LRRC8C: variants seen among roughly 807,000 people sequenced by gnomAD.
LRRC8C encodes the protein volume-regulated anion channel subunit LRRC8C.
Under a neutral mutation model 55.3 loss-of-function variants are expected in LRRC8C, and 20 were observed. The ratio of observed to expected loss-of-function variants is 0.36; its 90% CI spans 0.25 to 0.53. The LOEUF (loss-of-function observed/expected upper bound fraction) is 0.53, where lower values mean the gene tolerates loss of function less well. Ranked by LOEUF, LRRC8C falls within the 20% of genes least tolerant of loss-of-function variation. LRRC8C has a pLI of 0.92. For missense variants in LRRC8C, 659 were observed against 951.4 expected (o/e 0.69, Z 4.04); for synonymous variants, 376 against 360.7 (o/e 1.04, Z -0.48).
At position 89,715,205 on chromosome 1, in the gene LRRC8C, T is replaced by C. The variant is rs1388797503; in HGVS notation, c.*223T>C. ...GAAACACAATGTATCTATTATCTAC[T>C]GACAGAAAGAGATAGTTCCATTTGG... On this transcript the variant is annotated 3_prime_UTR_variant, in exon 3 of 3. Transcript: ENST00000370454. The C allele has an allele frequency of 6.1e-6, 2 of 327,366 alleles. No homozygotes were observed. Among genetic ancestry groups the C allele is most frequent in the Admixed American group, 9.4e-5 (2 of 21,180 alleles). The allele number at this position is 327,366 out of a possible 1,614,324, so 20.3% of individuals were successfully genotyped here.
At chr1:89,670,561 T>G (rs571857435) in intron 1 of LRRC8C, among the ~76,000 whole-genome samples, 50 of 152,342 alleles carry the variant, frequency 3.3e-4, no homozygotes, top group African/African-American at 1.2e-3. Context: ...CAAATCCCAC[T>G]GAAGATTGGA....
intron 2 of LRRC8C, among the ~76,000 whole-genome samples, chr1:89,687,858 AAG>A (rs1460547979): frequency 2.0e-5 from 3 of 152,218 alleles, no homozygotes; most frequent in Admixed American, 6.5e-5. Flanking sequence ...TATAGGGAGA[AAG>A]AGAAATCACT....
At chr1:89,668,466 C>G (rs956738157) in intron 1 of LRRC8C, among the ~76,000 whole-genome samples, 5 of 152,202 alleles carry the variant, frequency 3.3e-5, no homozygotes, top group Admixed American at 3.3e-4. Flanking sequence ...ATTCCTCAGA[C>G]TGGATTTCTC....
chr1:89,653,447 C>A (rs892856728), intron 1 of LRRC8C, among the ~76,000 whole-genome samples: 1 of 152,128 alleles, frequency 6.6e-6, no homozygotes, highest in African/African-American at 2.4e-5. Flanking sequence ...TGTGCAGTCA[C>A]AAGACAATGA....
In LRRC8C at chr1:89,713,017, T is replaced by C. The variant is rs765437981; in HGVS notation, c.447T>C (p.Pro149=). The C allele has an allele frequency of 1.4e-5, 23 of 1,614,236 alleles. No homozygotes were observed. The South Asian group carries it at 2.4e-4, about 17-fold the overall frequency. The change falls in exon 3 of 3, where the codon CCT becomes CCC. Residue 149 remains proline, a synonymous_variant. Transcript: ENST00000370454. The surrounding 1 kb of genome is among the most constrained non-coding windows in gnomAD (Gnocchi z 5.2). Reference sequence around the variant, plus strand: ...GCAGTAACTTTTGGTTCAAATTCCCTGGTTCCAGCTCCAAAATAGAACATT... The same window carrying C: ...GCAGTAACTTTTGGTTCAAATTCCCCGGTTCCAGCTCCAAAATAGAACATT... The part of the protein sequence containing the change: ...MLCSNFWFKF[P]GSSSKIEHFI...
chr1:89,684,720 C>A (rs1373336024), intron 1 of LRRC8C, among the ~76,000 whole-genome samples: 1 of 152,158 alleles, frequency 6.6e-6, no homozygotes, highest in Non-Finnish European at 1.5e-5. Flanking sequence ...TAGAAATATA[C>A]AAAGTAATGT....
intron 1 of LRRC8C, among the ~76,000 whole-genome samples, chr1:89,652,454 A>G (rs944591475): frequency 3.3e-5 from 5 of 152,180 alleles, no homozygotes; most frequent in African/African-American, 7.2e-5. Flanking sequence ...CAAGTAATCA[A>G]CCTTTTCACA....
At chr1:89,667,979 C>A (rs1436630974) in intron 1 of LRRC8C, among the ~76,000 whole-genome samples, 1 of 152,034 alleles carries the variant, frequency 6.6e-6, no homozygotes, top group Non-Finnish European at 1.5e-5. Flanking sequence ...AATGAATGTT[C>A]TTTGTTGGCA....
chr1:89,667,798 G>A (rs1345552689), intron 1 of LRRC8C, among the ~76,000 whole-genome samples: 1 of 152,078 alleles, frequency 6.6e-6, no homozygotes, highest in East Asian at 1.9e-4. Flanking sequence ...TCAACCCATG[G>A]GTTAGAAAGA....
At chr1:89,655,988 TTACG>T (rs1656932769) in intron 1 of LRRC8C, among the ~76,000 whole-genome samples, 1 of 152,180 alleles carries the variant, frequency 6.6e-6, no homozygotes, top group Admixed American at 6.5e-5. Flanking sequence ...TACTTTATTA[TTACG>T]TAAAAAGGAG....
At chr1:89,690,499 A>G (rs1657998446) in intron 2 of LRRC8C, among the ~76,000 whole-genome samples, 1 of 152,182 alleles carries the variant, frequency 6.6e-6, no homozygotes, top group South Asian at 2.1e-4. Context: ...GGATCTGCCT[A>G]ACAAGCACAC....
intron 1 of LRRC8C, among the ~76,000 whole-genome samples, chr1:89,682,254 A>G (rs987172809): frequency 9.2e-5 from 14 of 152,316 alleles, no homozygotes; most frequent in Admixed American, 3.3e-4. Context: ...ATTCCCTATC[A>G]AGTCTTATAT....
chr1:89,655,804 T>C (rs1298829156), intron 1 of LRRC8C, among the ~76,000 whole-genome samples: 9 of 152,112 alleles, frequency 5.9e-5, no homozygotes, highest in African/African-American at 2.2e-4. Context: ...CCCTTACTTG[T>C]CTGTTGAAGA....
At chr1:89,636,194 T>C (rs1349693523) in intron 1 of LRRC8C, among the ~76,000 whole-genome samples, 3 of 152,218 alleles carry the variant, frequency 2.0e-5, no homozygotes, top group Non-Finnish European at 4.4e-5. Context: ...CTTGTAATAG[T>C]GCATGTAAAG....
In LRRC8C at chr1:89,713,344, A is replaced by G. The variant is rs577184017; in HGVS notation, c.774A>G (p.Leu258=). The part of the protein sequence containing the change: ...FRLHVEEGDI[L]YAMYVRQTVL... The stretch of plus-strand genomic sequence containing the variant: ...TGCATGTGGAAGAAGGTGATATTCT[A>G]TATGCCATGTATGTTCGCCAGACTG... The change falls in exon 3 of 3, where the codon CTA becomes CTG. Residue 258 remains leucine (L), a synonymous_variant. Transcript: ENST00000370454. The surrounding 1 kb of genome is among the most constrained non-coding windows in gnomAD (Gnocchi z 5.2). 1.5e-5 allele frequency: 25 copies of G among 1,614,228 alleles called. No individual in the cohort carries two copies. The South Asian group carries it at 1.8e-4, about 11-fold the overall frequency.
At chr1:89,701,259 G>A (rs150050619) in intron 2 of LRRC8C, among the ~76,000 whole-genome samples, 2,557 of 152,200 alleles carry the variant, frequency 0.017, 72 homozygotes, top group African/African-American at 0.058. Context: ...GGCGGATCAC[G>A]AGGTCAGGAG....
intron 2 of LRRC8C, among the ~76,000 whole-genome samples, chr1:89,690,756 A>G (rs750441788): frequency 6.6e-6 from 1 of 152,028 alleles, no homozygotes; most frequent in Non-Finnish European, 1.5e-5. Flanking sequence ...ACAGCCCCAC[A>G]GTGTCTCTCT....
intron 1 of LRRC8C, among the ~76,000 whole-genome samples, chr1:89,659,057 T>TGTG (rs1166109211): frequency 7.3e-5 from 6 of 81,656 alleles, no homozygotes; most frequent in African/African-American, 2.4e-4. Flanking sequence ...GGTTTTTTTT[T>TGTG]TTTTTGTGTG....
chr1:89,652,504 T>C (rs887803591), intron 1 of LRRC8C, among the ~76,000 whole-genome samples: 5 of 152,196 alleles, frequency 3.3e-5, no homozygotes, highest in African/African-American at 7.2e-5. Context: ...ATCTTAAAAA[T>C]AGAACAGAGT....
Sources: allele counts gnomAD v4.1 joint callset (sites outside exome capture counted in the v4.1 genomes callset), GRCh38; gene constraint gnomAD v4.1.1; non-coding constraint Gnocchi (gnomAD v3.1); transcripts MANE v1.5; gene names NCBI Gene and HGNC (gene_info 2026-07-23, HGNC 2026-07-21).